CNTNAP2: variants seen among roughly 807,000 people sequenced by gnomAD.
CNTNAP2 encodes the protein contactin-associated protein-like 2.
In CNTNAP2, 98 loss-of-function variants were observed where a neutral mutation model predicts 155.2. The ratio of observed to expected loss-of-function variants is 0.63; its 90% CI spans 0.54 to 0.75. The LOEUF (loss-of-function observed/expected upper bound fraction) is 0.75, where lower values mean the gene tolerates loss of function less well. CNTNAP2 is among the 30% of genes least tolerant of loss of function. The probability of loss-of-function intolerance (pLI) is 0.00; values close to 1 mark genes in which losing one functional copy is unlikely to be tolerated. For synonymous variants in CNTNAP2, 651 were observed against 631.2 expected, an observed-to-expected ratio of 1.03 and a Z score of -0.47; for missense variants, 1,727 against 1,688.1, an observed-to-expected ratio of 1.02 and a Z score of -0.40.
intron 15 of CNTNAP2, among the ~76,000 whole-genome samples, chr7:147,990,196 G>A (rs1271343065): frequency 6.6e-6 from 1 of 152,224 alleles, no homozygotes; most frequent in African/African-American, 2.4e-5. Context: ...GATGCACAGG[G>A]TGAGGTCGGG....
chr7:146,869,287 TTTTGTC>T (rs1323503381), intron 3 of CNTNAP2, among the ~76,000 whole-genome samples: 2 of 152,182 alleles, frequency 1.3e-5, no homozygotes, highest in African/African-American at 4.8e-5. Flanking sequence ...GTGTTTTGTT[TTTTGTC>T]TTTAATTTTG....
Position 146,647,741 on chromosome 7 carries a change from A to G in CNTNAP2, c.98-126530A>G, listed in dbSNP as rs143707362. On this transcript the variant is annotated intron_variant, in intron 1 of 23. Transcript: ENST00000361727. ...CTCCGTTTTGACCTTCTTGATCCCA[A>G]CAGTTAGAAGCAATCATTCTCTCCT... 2.6e-5 allele frequency among the ~76,000 whole-genome samples: 4 copies of G among 152,286 alleles called. No homozygotes were observed. The East Asian group carries it at 5.8e-4, about 22-fold the overall frequency.
intron 15 of CNTNAP2, among the ~76,000 whole-genome samples, chr7:147,984,911 T>C (rs888408389): frequency 6.6e-6 from 1 of 152,008 alleles, no homozygotes; most frequent in Non-Finnish European, 1.5e-5. Context: ...GGTCAGGAGT[T>C]TGAGACCAGC....
At chr7:147,879,441 C>T (rs1337849194) in intron 13 of CNTNAP2, among the ~76,000 whole-genome samples, 4 of 151,624 alleles carry the variant, frequency 2.6e-5, no homozygotes, top group Non-Finnish European at 5.9e-5. Context: ...TTACAGCTTA[C>T]TAATTCTGGA....
intron 1 of CNTNAP2, among the ~76,000 whole-genome samples, chr7:146,186,189 A>G (rs974455654): frequency 2.6e-5 from 4 of 152,156 alleles, no homozygotes; most frequent in Non-Finnish European, 5.9e-5. Flanking sequence ...ATGTTTGCCT[A>G]TTTCCATTTT....
chr7:147,340,369 C>T (rs1456697984), intron 9 of CNTNAP2, among the ~76,000 whole-genome samples: 3 of 152,078 alleles, frequency 2.0e-5, no homozygotes, highest in African/African-American at 7.2e-5. Flanking sequence ...AATACATACC[C>T]CCAAGCAACT....
chr7:146,535,868 A>G (rs1272406069), intron 1 of CNTNAP2, among the ~76,000 whole-genome samples: 1 of 152,034 alleles, frequency 6.6e-6, no homozygotes, highest in Non-Finnish European at 1.5e-5. Flanking sequence ...TGTATTCCCT[A>G]CTTTATGATC....
intron 19 of CNTNAP2, among the ~76,000 whole-genome samples, chr7:148,220,482 G>A (rs1362296349): frequency 6.6e-6 from 1 of 152,170 alleles, no homozygotes; most frequent in African/African-American, 2.4e-5. Flanking sequence ...AAAAGAGGGA[G>A]TTGCCATTTT....
intron 13 of CNTNAP2, among the ~76,000 whole-genome samples, chr7:147,839,080 A>C (rs551040517): frequency 5.8e-4 from 89 of 152,310 alleles, no homozygotes; most frequent in African/African-American, 2.1e-3. Flanking sequence ...CAAGGGCAGG[A>C]AGTAGCCAGC....
At chr7:147,086,172 G>A (rs928934363) in intron 4 of CNTNAP2, among the ~76,000 whole-genome samples, 9 of 152,192 alleles carry the variant, frequency 5.9e-5, no homozygotes, top group South Asian at 4.1e-4. Context: ...TAATGTGAAC[G>A]TAGTGAAAAT....
chr7:147,911,639 T>G (rs971283749), intron 14 of CNTNAP2, among the ~76,000 whole-genome samples: 1 of 152,214 alleles, frequency 6.6e-6, no homozygotes, highest in African/African-American at 2.4e-5. Context: ...CACACCACCA[T>G]CGTTCTATTT....
intron 1 of CNTNAP2, among the ~76,000 whole-genome samples, chr7:146,616,634 C>T (rs1336053315): frequency 6.6e-6 from 1 of 152,146 alleles, no homozygotes; most frequent in Non-Finnish European, 1.5e-5. Flanking sequence ...GCTTAATGAT[C>T]AGCTAGTATC....
chr7:146,509,290 C>T lies in CNTNAP2; in HGVS notation c.98-264981C>T, dbSNP rs541284903. Among the ~76,000 whole-genome samples the T allele has an allele frequency of 3.4e-3, 517 of 152,306 alleles. 2 individuals are homozygous for T. Among genetic ancestry groups the T allele is most frequent in the Non-Finnish European group, 5.3e-3 (361 of 68,038 alleles). ...CAATTATGGTGTGGTTGCCTTGCCCCTGTGCTAACCACTTGCTCACCTGCA... is the reference window on the plus strand; with the variant it reads ...CAATTATGGTGTGGTTGCCTTGCCCTTGTGCTAACCACTTGCTCACCTGCA... On this transcript the variant is annotated intron_variant, in intron 1 of 23. Transcript: ENST00000361727.
At chr7:147,450,772 T>G (rs528190803) in intron 10 of CNTNAP2, among the ~76,000 whole-genome samples, 19 of 152,316 alleles carry the variant, frequency 1.2e-4, no homozygotes, top group African/African-American at 4.3e-4. Context: ...CTACCAAAAT[T>G]TTTACTATTC....
chr7:146,415,059 A>C (rs1196028670), intron 1 of CNTNAP2, among the ~76,000 whole-genome samples: 1 of 152,306 alleles, frequency 6.6e-6, no homozygotes, highest in East Asian at 1.9e-4. Context: ...TAATATTCCA[A>C]GTTTTGTGTG....
At chr7:147,078,653 A>G (rs1330638152) in intron 4 of CNTNAP2, among the ~76,000 whole-genome samples, 1 of 152,110 alleles carries the variant, frequency 6.6e-6, no homozygotes, top group Non-Finnish European at 1.5e-5. Flanking sequence ...TAACACAGAC[A>G]ACGTTATTTG....
chr7:148,162,984 G>A (rs989257346), intron 17 of CNTNAP2, among the ~76,000 whole-genome samples: 4 of 152,202 alleles, frequency 2.6e-5, no homozygotes, highest in Non-Finnish European at 5.9e-5. Context: ...GAGCCAAAGA[G>A]CAAAACTGTG....
At chr7:147,864,000 C>A (rs923882366) in intron 13 of CNTNAP2, among the ~76,000 whole-genome samples, 6 of 152,040 alleles carry the variant, frequency 3.9e-5, no homozygotes, top group Non-Finnish European at 7.4e-5. Context: ...GAAGTCCTTG[C>A]CCATGCCTAT....
At chr7:148,131,702 G>A (rs1247442540) in intron 16 of CNTNAP2, among the ~76,000 whole-genome samples, 1 of 152,150 alleles carries the variant, frequency 6.6e-6, no homozygotes, top group African/African-American at 2.4e-5. Flanking sequence ...CATTCTAGGA[G>A]CTAACAGTAT....
Sources: gnomAD v4.1 joint callset for allele counts (sites outside exome capture counted in the v4.1 genomes callset) on GRCh38, gnomAD v4.1.1 for gene constraint, MANE v1.5 for transcripts, NCBI Gene and HGNC (gene_info 2026-07-23, HGNC 2026-07-21) for gene names.